Variants in ANTXR1 observed in about 807,000 individuals in gnomAD.
ANTXR1 encodes the protein anthrax toxin receptor 1.
A neutral mutation model predicts 78.1 loss-of-function variants in ANTXR1; 19 were observed. That is an observed-to-expected ratio of 0.24 (90% CI 0.17 to 0.36). The LOEUF (loss-of-function observed/expected upper bound fraction) is 0.36. ANTXR1 is among the 10% of genes least tolerant of loss of function. ANTXR1 has a pLI of 1.00. For missense variants in ANTXR1, 518 were observed against 718.6 expected, an observed-to-expected ratio of 0.72 and a Z score of 3.19; for synonymous variants, 273 against 260.5, an observed-to-expected ratio of 1.05 and a Z score of -0.46.
At chr2:69,106,460 G>A (rs564737173) in intron 10 of ANTXR1, among the ~76,000 whole-genome samples, 7 of 152,372 alleles carry the variant, frequency 4.6e-5, no homozygotes, top group East Asian at 1.9e-4. Context: ...AGGCCAGGCT[G>A]CGGGCTGTGA....
At chr2:69,181,483 A>G (rs1674273205) in intron 14 of ANTXR1, among the ~76,000 whole-genome samples, 2 of 152,250 alleles carry the variant, frequency 1.3e-5, no homozygotes, top group Admixed American at 1.3e-4. Flanking sequence ...GTCACAAGTC[A>G]TTAGCATGTA....
At chr2:69,145,702 C>G (rs914002020) in intron 12 of ANTXR1, 1 of 1,095,516 alleles carries the variant, frequency 9.1e-7, no homozygotes, top group African/African-American at 1.6e-5. Flanking sequence ...TTTTGAACTT[C>G]CCCCAGGCTC....
At chr2:69,212,418 A>T (rs1392982722) in intron 17 of ANTXR1, among the ~76,000 whole-genome samples, 1 of 152,216 alleles carries the variant, frequency 6.6e-6, no homozygotes, top group Non-Finnish European at 1.5e-5. Context: ...GGCAGCTCCC[A>T]GGAGGTGTTC....
intron 17 of ANTXR1, among the ~76,000 whole-genome samples, chr2:69,220,459 T>G (rs1383109122): frequency 6.6e-6 from 1 of 152,174 alleles, no homozygotes; most frequent in Admixed American, 6.5e-5. Context: ...GACAAAGACT[T>G]CCAGAGTTTT....
At chr2:69,193,212 G>T in intron 16 of ANTXR1, 123 bp from the exon 17 acceptor site, 1 of 796,126 alleles carries the variant, frequency 1.3e-6, no homozygotes, top group Non-Finnish European at 2.3e-6. Flanking sequence ...ATCCCATCAT[G>T]ACCATATTGA....
intron 16 of ANTXR1, among the ~76,000 whole-genome samples, chr2:69,189,638 G>A (rs1674504429): frequency 6.6e-6 from 1 of 152,232 alleles, no homozygotes; most frequent in African/African-American, 2.4e-5. Context: ...TGTGGAGGTG[G>A]TGGGTCAGGG....
intron 9 of ANTXR1, among the ~76,000 whole-genome samples, chr2:69,096,677 A>G (rs984455736): frequency 6.6e-6 from 1 of 152,164 alleles, no homozygotes. Context: ...TTTAACTTAA[A>G]TTTATTGCTA....
intron 1 of ANTXR1, among the ~76,000 whole-genome samples, chr2:69,030,337 T>G (rs1671493801): frequency 6.6e-6 from 1 of 152,224 alleles, no homozygotes. Flanking sequence ...AAATAGTTTC[T>G]CAATTCACTT....
At chr2:69,057,434 C>G (rs555962637) in intron 3 of ANTXR1, among the ~76,000 whole-genome samples, 1 of 152,282 alleles carries the variant, frequency 6.6e-6, no homozygotes, top group African/African-American at 2.4e-5. Flanking sequence ...GTCATTCTCT[C>G]AATATTTCAA....
At chr2:69,077,219 C>T (rs1467592112) in intron 7 of ANTXR1, 189 bp from the exon 8 acceptor site, 1 of 633,644 alleles carries the variant, frequency 1.6e-6, no homozygotes, top group Non-Finnish European at 2.8e-6. Context: ...TGGCCTGCTC[C>T]AGAGAGGCCA....
intron 17 of ANTXR1, among the ~76,000 whole-genome samples, chr2:69,221,895 AGAG>A (rs556346148): frequency 1.3e-3 from 191 of 152,294 alleles, no homozygotes; most frequent in African/African-American, 4.5e-3. Context: ...TGGTAATTTA[AGAG>A]GAGAGAGAGA....
intron 16 of ANTXR1, chr2:69,182,897 T>C: frequency 1.8e-6 from 1 of 567,946 alleles, no homozygotes; most frequent in Non-Finnish European, 3.1e-6. Context: ...CTGCAGCACA[T>C]ATAGTAAAAC....
chr2:69,212,680 C>A (rs143997102), intron 17 of ANTXR1, among the ~76,000 whole-genome samples: 124 of 152,300 alleles, frequency 8.1e-4, no homozygotes, highest in Middle Eastern at 3.4e-3. Context: ...GAGACAAGGT[C>A]TTGCTCCATC....
chr2:69,088,765 A>G (rs908282479), intron 8 of ANTXR1, among the ~76,000 whole-genome samples: 1 of 152,238 alleles, frequency 6.6e-6, no homozygotes, highest in African/African-American at 2.4e-5. Context: ...TAGATCAACC[A>G]TAAGGCACTG....
chr2:69,245,764 C>T lies in ANTXR1; in HGVS notation c.*279C>T. On this transcript the variant is annotated 3_prime_UTR_variant, in exon 18 of 18. Coordinates refer to ENST00000303714, the MANE Select transcript of ANTXR1 (RefSeq NM_032208.3). ...AGACAGTGAAACTGCAAGATGCTCT[C>T]AACAGGATTATGTCTCATGGAGACC... The T allele has an allele frequency of 2.3e-6, 1 of 429,368 alleles. No individual in the cohort carries two copies. The allele number at this position is 429,368 out of a possible 1,614,324, so 26.6% of individuals were successfully genotyped here. A position where few individuals can be genotyped will look rare whatever the true frequency, so the allele number is the denominator to read the frequency against.
At chr2:69,067,099 C>A (rs936073652) in intron 3 of ANTXR1, among the ~76,000 whole-genome samples, 42 of 152,028 alleles carry the variant, frequency 2.8e-4, no homozygotes, top group African/African-American at 9.7e-4. Flanking sequence ...TGAAACCATC[C>A]ATTTTGTTTG....
At chr2:69,204,887 C>A (rs951753258) in intron 17 of ANTXR1, among the ~76,000 whole-genome samples, 1 of 152,212 alleles carries the variant, frequency 6.6e-6, no homozygotes, top group Admixed American at 6.5e-5. Flanking sequence ...TCCCAGATCA[C>A]CTCATGCTCT....
chr2:69,124,509 GC>G, intron 11 of ANTXR1, 55 bp from the exon 12 acceptor site: 5 of 1,504,886 alleles, frequency 3.3e-6, no homozygotes, highest in Non-Finnish European at 4.6e-6. Context: ...CTGGCTCTCA[GC>G]CTGTTGCTCA....
Position 69,245,686 on chromosome 2 carries a change from G to A in ANTXR1, c.*201G>A, listed in dbSNP as rs1024501636. On this transcript the variant is annotated 3_prime_UTR_variant, in exon 18 of 18. Transcript: ENST00000303714. ...AAATTGCCAGAAAACAAATGATGAG[G>A]CAACTACAGTCAGATTTATAGCCAG... 1.8e-5 allele frequency: 12 copies of A among 684,032 alleles called. No individual in the cohort carries two copies. In the Admixed American group the frequency reaches 2.3e-4, roughly 13 times the overall value. 42.4% of individuals were successfully genotyped at this position (684,032 alleles called of 1,614,324 possible). A position where few individuals can be genotyped will look rare whatever the true frequency, so the allele number is the denominator to read the frequency against.
Sources: gnomAD v4.1 joint callset for allele counts (sites outside exome capture counted in the v4.1 genomes callset) on GRCh38, gnomAD v4.1.1 for gene constraint, MANE v1.5 for transcripts, NCBI Gene and HGNC (gene_info 2026-07-23, HGNC 2026-07-21) for gene names.